KSR2: variants seen among roughly 807,000 people sequenced by gnomAD.
The protein encoded by KSR2 is kinase suppressor of ras 2.
Under a neutral mutation model 107.8 loss-of-function variants are expected in KSR2, and 25 were observed. The observed-to-expected ratio is 0.23, with a 90% CI of 0.17 to 0.32. The LOEUF is 0.32. KSR2 is among the 10% of genes least tolerant of loss of function. The pLI, the probability that KSR2 is intolerant of heterozygous loss-of-function variation, is 1.00. For missense variants in KSR2, 887 were observed against 1,268.9 expected (o/e 0.70, Z 4.57); for synonymous variants, 480 against 507.0 (o/e 0.95, Z 0.71).
intron 17 of KSR2, among the ~76,000 whole-genome samples, chr12:117,472,908 A>T (rs1053976290): frequency 5.3e-5 from 8 of 152,094 alleles, no homozygotes; most frequent in African/African-American, 1.9e-4. Flanking sequence ...TGCCCCTTCC[A>T]GGAACAGCCA....
chr12:117,958,853 T>C (rs1395934956), intron 1 of KSR2, among the ~76,000 whole-genome samples: 1 of 152,090 alleles, frequency 6.6e-6, no homozygotes, highest in Non-Finnish European at 1.5e-5. Flanking sequence ...GGCATCCATG[T>C]CATACTATGT....
chr12:117,949,031 T>G (rs1896280945), intron 1 of KSR2, among the ~76,000 whole-genome samples: 1 of 151,980 alleles, frequency 6.6e-6, no homozygotes, highest in South Asian at 2.1e-4. Flanking sequence ...AAGACTGAGG[T>G]TGCAGCGAGC....
At chr12:117,888,452 T>C (rs1371464544) in intron 1 of KSR2, among the ~76,000 whole-genome samples, 1 of 152,106 alleles carries the variant, frequency 6.6e-6, no homozygotes, top group African/African-American at 2.4e-5. Flanking sequence ...TGAATGTGTG[T>C]CCCCAAAAGC....
intron 1 of KSR2, among the ~76,000 whole-genome samples, chr12:117,957,748 T>TACACACAC (rs60722226): frequency 0.087 from 12,857 of 148,010 alleles, 906 homozygotes; most frequent in East Asian, 0.28. Flanking sequence ...AATTGTGAGT[T>TACACACAC]ACACACACAC....
chr12:117,484,801 T>G (rs1276491243), intron 15 of KSR2, among the ~76,000 whole-genome samples: 1 of 152,206 alleles, frequency 6.6e-6, no homozygotes, highest in Non-Finnish European at 1.5e-5. Flanking sequence ...CAGCCCCATT[T>G]GCTCATCTGA....
At chr12:117,881,816 T>C (rs1013282422) in intron 1 of KSR2, among the ~76,000 whole-genome samples, 15 of 152,180 alleles carry the variant, frequency 9.9e-5, no homozygotes, top group Non-Finnish European at 2.1e-4. Flanking sequence ...AGGTTGAGAA[T>C]TGAAGTCCAG....
chr12:117,604,250 C>T (rs908555306), intron 5 of KSR2, among the ~76,000 whole-genome samples: 19 of 152,212 alleles, frequency 1.2e-4, no homozygotes, highest in African/African-American at 3.4e-4. Context: ...CTTTACTTCT[C>T]CCTTGAAGTG....
intron 10 of KSR2, 32 bp from the exon 11 acceptor site, chr12:117,531,739 G>A (rs1293975526): frequency 6.3e-7 from 1 of 1,576,926 alleles, no homozygotes; most frequent in South Asian, 1.2e-5. Flanking sequence ...CAAAGTGAGT[G>A]TCCCCAGGGA....
At chr12:117,737,095 T>G (rs138045734) in intron 4 of KSR2, among the ~76,000 whole-genome samples, 2 of 152,336 alleles carry the variant, frequency 1.3e-5, no homozygotes, top group African/African-American at 4.8e-5. Context: ...GAGTGTTTGA[T>G]CCACACTGGA....
At chr12:117,544,663 T>C (rs1876731664) in intron 9 of KSR2, among the ~76,000 whole-genome samples, 1 of 152,198 alleles carries the variant, frequency 6.6e-6, no homozygotes, top group African/African-American at 2.4e-5. Context: ...ATTGATTGTG[T>C]ATTCTGTGAC....
intron 1 of KSR2, among the ~76,000 whole-genome samples, chr12:117,912,935 G>A (rs1050836133): frequency 2.6e-5 from 4 of 152,188 alleles, no homozygotes; most frequent in Non-Finnish European, 5.9e-5. Context: ...TTGGCAGCCA[G>A]TCCCCTCAGG....
At chr12:117,487,066 G>A (rs547836060) in intron 14 of KSR2, among the ~76,000 whole-genome samples, 1 of 152,186 alleles carries the variant, frequency 6.6e-6, no homozygotes, top group East Asian at 1.9e-4. Context: ...GCCTTTCTGG[G>A]TTGTCAGGAG....
chr12:117,565,038 G>C (rs1484950401), intron 7 of KSR2, among the ~76,000 whole-genome samples: 2 of 152,126 alleles, frequency 1.3e-5, no homozygotes, highest in Non-Finnish European at 2.9e-5. Context: ...AACTGCGGGG[G>C]ACAAATGGTC....
At chr12:117,803,186 CAAAG>C (rs1890893778) in intron 3 of KSR2, among the ~76,000 whole-genome samples, 1 of 152,116 alleles carries the variant, frequency 6.6e-6, no homozygotes, top group Admixed American at 6.5e-5. Flanking sequence ...GGCATGAAAA[CAAAG>C]AGAGAGGAGG....
chr12:117,470,193 T>TATCC (rs60164511), intron 18 of KSR2, among the ~76,000 whole-genome samples: 5,219 of 138,358 alleles, frequency 0.038, 134 homozygotes, highest in Non-Finnish European at 0.049. Flanking sequence ...CATCTTTCAT[T>TATCC]ATCCATCCAT....
In KSR2 at chr12:117,486,405, C is replaced by T. The variant is rs902643580; in HGVS notation, c.2220-714G>A. ...TCCGCAGTGAGCACAATTCCCAGCA[C>T]GCACAGAGCAGGCACCCACAAGCTG... On this transcript the variant is annotated intron_variant, in intron 14 of 19. Transcript: ENST00000339824. 2.6e-5 allele frequency among the ~76,000 whole-genome samples: 4 copies of T among 152,156 alleles called. No individual in the cohort carries two copies. In the South Asian group the frequency reaches 6.2e-4, roughly 24 times the overall value.
rs145839473 is a variant in KSR2, at chr12:117,655,850, T to G, written c.1171+11624A>C. On this transcript the variant is annotated intron_variant, in intron 5 of 19. Transcript: ENST00000339824. ...CAATGGAGGTAAGGAAGAGTACGCATGGAATACAGGAGATCCATTAGGGCA... is the reference window on the plus strand; with the variant it reads ...CAATGGAGGTAAGGAAGAGTACGCAGGGAATACAGGAGATCCATTAGGGCA... 6.1e-4 allele frequency among the ~76,000 whole-genome samples: 93 copies of G among 152,302 alleles called. No homozygotes were observed. The East Asian group carries it at 0.014, about 22-fold the overall frequency.
intron 3 of KSR2, among the ~76,000 whole-genome samples, chr12:117,802,616 C>T (rs568580891): frequency 6.6e-6 from 1 of 152,302 alleles, no homozygotes; most frequent in East Asian, 1.9e-4. Context: ...CTGAGGATGA[C>T]ACCAGGAATA....
rs573415158 is a variant in KSR2 at position 117,480,590 on chromosome 12, G to C, written c.2450+3826C>G. Reference sequence around the variant, plus strand: ...CACTGGGCTGCCCCATCCCTGCCTCGGGCTTGGTGGCGGGGGGGTCTCTCC... The same window carrying C: ...CACTGGGCTGCCCCATCCCTGCCTCCGGCTTGGTGGCGGGGGGGTCTCTCC... On this transcript the variant is annotated intron_variant, in intron 16 of 19. Transcript: ENST00000339824. Among the ~76,000 whole-genome samples, 15 of 152,196 alleles carry C rather than the reference G, an allele frequency of 9.9e-5. No individual in the cohort carries two copies. The East Asian group carries it at 2.1e-3, about 22-fold the overall frequency.
Sources: allele counts gnomAD v4.1 joint callset (sites outside exome capture counted in the v4.1 genomes callset), GRCh38; gene constraint gnomAD v4.1.1; transcripts MANE v1.5; gene names NCBI Gene and HGNC (gene_info 2026-07-23, HGNC 2026-07-21).